ALDH1A3: variants seen among roughly 807,000 people sequenced by gnomAD.
ALDH1A3 encodes aldehyde dehydrogenase 1 family member A3, also known as retinaldehyde dehydrogenase 3.
Under a neutral mutation model 57.5 loss-of-function variants are expected in ALDH1A3, and 28 were observed. That is an observed-to-expected ratio of 0.49 (90% CI 0.36 to 0.67). The LOEUF is 0.67. Ranked by LOEUF, ALDH1A3 falls within the 30% of genes least tolerant of loss-of-function variation. The pLI is 0.00. For synonymous variants in ALDH1A3, 281 were observed against 264.8 expected, an observed-to-expected ratio of 1.06 and a Z score of -0.59; for missense variants, 507 against 669.4, an observed-to-expected ratio of 0.76 and a Z score of 2.68.
At chr15:100,914,669 A>G (rs1294975490) in intron 12 of ALDH1A3, 32 bp from the exon 13 acceptor site, 1 of 1,607,154 alleles carries the variant, frequency 6.2e-7, no homozygotes, top group Admixed American at 1.7e-5. Flanking sequence ...GGATGTACCC[A>G]TTTTGAATTT....
intron 1 of ALDH1A3, chr15:100,880,456 G>T (rs1243636638): frequency 2.8e-6 from 1 of 354,414 alleles, no homozygotes; most frequent in Non-Finnish European, 5.1e-6. Flanking sequence ...CGCCAAGAGA[G>T]AGTCCGGGAG....
At chr15:100,888,577 C>T (rs2041619879) in intron 3 of ALDH1A3, 1 of 152,162 alleles carries the variant, frequency 6.6e-6, no homozygotes, top group Non-Finnish European at 1.5e-5. Flanking sequence ...TCAGTCACCC[C>T]TGAACTGGCT....
chr15:100,913,290 T>C (rs950463522), intron 12 of ALDH1A3: 2 of 152,238 alleles, frequency 1.3e-5, no homozygotes, highest in African/African-American at 2.4e-5. Context: ...AAATCTATTA[T>C]CTTATAGTTC....
chr15:100,903,050 T>C (rs78767225), intron 9 of ALDH1A3, among the ~76,000 whole-genome samples: 2,384 of 152,332 alleles, frequency 0.016, 65 homozygotes, highest in African/African-American at 0.042. Flanking sequence ...CGGGATCTGT[T>C]GCAAAGCTGT....
At chr15:100,910,496 T>C (rs1204536614) in intron 12 of ALDH1A3, among the ~76,000 whole-genome samples, 1 of 152,168 alleles carries the variant, frequency 6.6e-6, no homozygotes, top group Non-Finnish European at 1.5e-5. Flanking sequence ...TCGGTTGAGC[T>C]CTCTATGCCT....
intron 7 of ALDH1A3, among the ~76,000 whole-genome samples, chr15:100,897,331 G>A (rs1403182909): frequency 6.6e-6 from 1 of 151,642 alleles, no homozygotes; most frequent in Non-Finnish European, 1.5e-5. Context: ...ACTGGTCTCT[G>A]AGGATCTTCC....
chr15:100,900,823 G>T lies in ALDH1A3; in HGVS notation c.1068+64G>T. 2.6e-6 allele frequency: 4 copies of T among 1,554,576 alleles called. No individual in the cohort carries two copies. The South Asian group carries it at 4.7e-5, about 18-fold the overall frequency. ...TAGGGGCTGAAGCAGGCAGTCCCATGGCAACCGCCTACAGGGTCCCTCTCC... is the reference window on the plus strand; with the variant it reads ...TAGGGGCTGAAGCAGGCAGTCCCATTGCAACCGCCTACAGGGTCCCTCTCC... On this transcript the variant is annotated intron_variant, in intron 9 of 12. Coordinates refer to ENST00000329841, the MANE Select transcript of ALDH1A3 (RefSeq NM_000693.4).
rs553443707 is a variant in ALDH1A3 at position 100,908,046 on chromosome 15, A to G, written c.1392-362A>G. Among the ~76,000 whole-genome samples, 25 of 151,640 alleles carry G rather than the reference A, an allele frequency of 1.6e-4. No individual in the cohort carries two copies. In the East Asian group the frequency reaches 4.7e-3, roughly 28 times the overall value. ...GTATTTTTAGTAGAGATGGGGTTTC[A>G]CCATGTTGGTCAGGCTAGTCTTGAA... On this transcript the variant is annotated intron_variant, in intron 11 of 12. Transcript: ENST00000329841.
intron 9 of ALDH1A3, among the ~76,000 whole-genome samples, chr15:100,903,241 G>C (rs57216379): frequency 1.4e-5 from 2 of 143,546 alleles, no homozygotes; most frequent in Non-Finnish European, 3.0e-5. Context: ...GAATGTTTTC[G>C]TGTGCATGCA....
At chr15:100,885,148 G>A in intron 1 of ALDH1A3, 119 bp from the exon 2 acceptor site, 2 of 708,122 alleles carry the variant, frequency 2.8e-6, no homozygotes, top group South Asian at 1.7e-5. Context: ...GAAGGGGAGA[G>A]GGAAGCAGCA....
intron 1 of ALDH1A3, among the ~76,000 whole-genome samples, chr15:100,882,014 A>G (rs2141544175): frequency 6.6e-6 from 1 of 152,304 alleles, no homozygotes; most frequent in Non-Finnish European, 1.5e-5. Context: ...GGAGCGGGAT[A>G]AACTGAAGTG....
intron 11 of ALDH1A3, among the ~76,000 whole-genome samples, chr15:100,908,005 C>T (rs1015380454): frequency 1.1e-4 from 17 of 151,864 alleles, no homozygotes; most frequent in African/African-American, 2.2e-4. Flanking sequence ...CACGCCACCA[C>T]GCCCAGCTAA....
intron 6 of ALDH1A3, 161 bp from the exon 7 acceptor site, chr15:100,895,772 C>A: frequency 1.6e-6 from 1 of 640,740 alleles, no homozygotes; most frequent in East Asian, 2.7e-5. Flanking sequence ...AGGTCAGCTC[C>A]CAGGGTGCCC....
chr15:100,894,326 C>T lies in ALDH1A3; in HGVS notation c.666+244C>T, dbSNP rs576125818. On this transcript the variant is annotated intron_variant, in intron 6 of 12. Transcript: ENST00000329841. This position sits in a 1 kb window ranked among gnomAD's most constrained non-coding sequence, Gnocchi z 4.5. Reference sequence around the variant, plus strand: ...CTTAACTCTTATTATGGGCTCAAACCTATGGTTGAGGACCCAGTGGTTTGT... The same window carrying T: ...CTTAACTCTTATTATGGGCTCAAACTTATGGTTGAGGACCCAGTGGTTTGT... The T allele has an allele frequency of 6.8e-6, 3 of 442,938 alleles. No individual in the cohort carries two copies. Among genetic ancestry groups the T allele is most frequent in the South Asian group, 5.6e-5 (2 of 35,712 alleles). 27.4% of individuals were successfully genotyped at this position (442,938 alleles called of 1,614,324 possible).
chr15:100,908,579 TC>T (rs1477103002), intron 12 of ALDH1A3, 97 bp downstream of exon 12: 30 of 1,070,754 alleles, frequency 2.8e-5, no homozygotes, highest in Non-Finnish European at 3.0e-5. Flanking sequence ...TGACACCCCG[TC>T]CCCCCCACAC....
chr15:100,911,883 C>T (rs142745866), intron 12 of ALDH1A3, among the ~76,000 whole-genome samples: 22 of 152,260 alleles, frequency 1.4e-4, no homozygotes, highest in African/African-American at 4.8e-4. Context: ...ACTTTGTTTG[C>T]GTTTCTTTTC....
At chr15:100,910,186 G>A (rs151283621) in intron 12 of ALDH1A3, among the ~76,000 whole-genome samples, 145 of 152,354 alleles carry the variant, frequency 9.5e-4, no homozygotes, top group African/African-American at 2.9e-3. Context: ...ACTCCAAGGC[G>A]TCTGCACTTG....
chr15:100,905,811 TGTC>T (rs754197224), intron 10 of ALDH1A3, 124 bp downstream of exon 10: 3 of 1,070,730 alleles, frequency 2.8e-6, no homozygotes, highest in Non-Finnish European at 3.9e-6. Context: ...TTGCTGTTGT[TGTC>T]GTTGTTGTTT....
At chr15:100,881,547 A>G (rs1410258894) in intron 1 of ALDH1A3, 1 of 152,200 alleles carries the variant, frequency 6.6e-6, no homozygotes, top group African/African-American at 2.4e-5. Context: ...ATCTGACCAC[A>G]TACAAAAAGT....
Sources: allele counts gnomAD v4.1 joint callset (sites outside exome capture counted in the v4.1 genomes callset), GRCh38; gene constraint gnomAD v4.1.1; non-coding constraint Gnocchi (gnomAD v3.1); transcripts MANE v1.5; gene names NCBI Gene and HGNC (gene_info 2026-07-23, HGNC 2026-07-21).